ELP2: variants seen among roughly 807,000 people sequenced by gnomAD.
The protein encoded by ELP2 is elongator complex protein 2.
In ELP2, 90 loss-of-function variants were observed where a neutral mutation model predicts 119.2. The ratio of observed to expected loss-of-function variants is 0.75; its 90% CI spans 0.64 to 0.90. The LOEUF is 0.90. ELP2 is among the 40% of genes least tolerant of loss of function. ELP2 has a pLI of 0.00. For synonymous variants in ELP2, 339 were observed against 331.0 expected (o/e 1.02, Z -0.26); for missense variants, 921 against 967.8 (o/e 0.95, Z 0.64).
rs138926367 is a variant in ELP2 at position 36,167,908 on chromosome 18, C to T, written c.2076+686C>T. On this transcript the variant is annotated intron_variant, in intron 19 of 21. Transcript: ENST00000358232. ...GCCAGGCTGGTCCCAAACTCCTGGG[C>T]GCAAGCAGTCCTCCCACTTTGGCCT... is the stretch of plus-strand genomic sequence containing the variant. 1.5e-3 allele frequency among the ~76,000 whole-genome samples: 231 copies of T among 152,200 alleles called. 1 individual carries two copies. The highest frequency in any genetic ancestry group is 0.014 in the South Asian group (68 of 4,818).
intron 11 of ELP2, among the ~76,000 whole-genome samples, chr18:36,147,938 C>T (rs894040302): frequency 2.0e-5 from 3 of 151,852 alleles, no homozygotes; most frequent in Non-Finnish European, 4.4e-5. Context: ...GCCAAGCTCC[C>T]ATGCCCTCCC....
At chr18:36,162,843 A>G (rs368611057) in intron 17 of ELP2, among the ~76,000 whole-genome samples, 10 of 152,220 alleles carry the variant, frequency 6.6e-5, no homozygotes, top group African/African-American at 2.2e-4. Context: ...ATCCATATGA[A>G]AATATGGTGA....
chr18:36,159,344 C>T (rs951193696), intron 14 of ELP2, among the ~76,000 whole-genome samples: 2 of 152,262 alleles, frequency 1.3e-5, no homozygotes, highest in African/African-American at 2.4e-5. Flanking sequence ...AACTCCTGAC[C>T]TCAGGTGATC....
In ELP2 at chr18:36,150,605, G is replaced by A. The variant is rs533097648; in HGVS notation, c.1125+4224G>A. ...CAGAAGCTTTAGCCATAAGCTCGAGGAGCTGTTTCACAGAGGGTGATGAAG... is the reference window on the plus strand; with the variant it reads ...CAGAAGCTTTAGCCATAAGCTCGAGAAGCTGTTTCACAGAGGGTGATGAAG... On this transcript the variant is annotated intron_variant, in intron 11 of 21. Coordinates refer to ENST00000358232, the MANE Select transcript of ELP2 (RefSeq NM_018255.4). 8.5e-5 allele frequency among the ~76,000 whole-genome samples: 13 copies of A among 152,326 alleles called. No individual in the cohort carries two copies. In the South Asian group the frequency reaches 2.7e-3, roughly 32 times the overall value.
In ELP2 at chr18:36,175,849, A is replaced by G. The variant is rs962931472; in HGVS notation, c.*1208A>G. ...GACAATGCAGTGACAGCTGTATATA[A>G]TAAATGTGTTGAAAGGAGGAAGGTG... On this transcript the variant is annotated 3_prime_UTR_variant, in exon 22 of 22. Coordinates refer to ENST00000358232, the MANE Select transcript of ELP2 (RefSeq NM_018255.4). The G allele has an allele frequency of 6.6e-6, 1 of 152,126 alleles. No homozygotes were observed. The highest frequency in any genetic ancestry group is 1.5e-5 in the Non-Finnish European group (1 of 68,024). 9.4% of individuals were successfully genotyped at this position (152,126 alleles called of 1,614,324 possible). A position where few individuals can be genotyped will look rare whatever the true frequency, so the allele number is the denominator to read the frequency against.
chr18:36,154,793 T>C (rs1170841603), intron 11 of ELP2, 57 bp from the exon 12 acceptor site: 3 of 1,605,754 alleles, frequency 1.9e-6, no homozygotes, highest in South Asian at 2.2e-5. Flanking sequence ...GTGAGTGCTT[T>C]ACTTTGGTGG....
rs2091267023 is a variant in ELP2, at chr18:36,178,200, C to T, written c.*3559C>T. 1 of 152,224 alleles carries T rather than the reference C, an allele frequency of 6.6e-6. No homozygotes were observed. The highest frequency in any genetic ancestry group is 1.5e-5 in the Non-Finnish European group (1 of 68,102). The allele number at this position is 152,224 out of a possible 1,614,324, so 9.4% of individuals were successfully genotyped here. A position where few individuals can be genotyped will look rare whatever the true frequency, so the allele number is the denominator to read the frequency against. On this transcript the variant is annotated 3_prime_UTR_variant, in exon 22 of 22. Coordinates refer to ENST00000358232, the MANE Select transcript of ELP2 (RefSeq NM_018255.4). ...AGCCCAGCTCTGGGTACAGTTGGGC[C>T]ACAGCAGAAGGAGGGCCAGGGTAGA...
intron 8 of ELP2, among the ~76,000 whole-genome samples, chr18:36,144,288 C>T (rs2090130488): frequency 6.6e-6 from 1 of 152,098 alleles, no homozygotes; most frequent in African/African-American, 2.4e-5. Context: ...TTTATTTCTG[C>T]ATTTATCCTT....
At position 36,179,137 on chromosome 18, in the gene ELP2, G is replaced by A. The variant is rs1384086974; in HGVS notation, c.*4496G>A. The A allele has an allele frequency of 6.6e-6, 1 of 152,130 alleles. No homozygotes were observed. The highest frequency in any genetic ancestry group is 1.5e-5 in the Non-Finnish European group (1 of 68,038). 9.4% of individuals were successfully genotyped at this position (152,130 alleles called of 1,614,324 possible). On this transcript the variant is annotated 3_prime_UTR_variant, in exon 22 of 22. Transcript: ENST00000358232. ...GGCTGCATGTGGTTGGTGGATAGAG[G>A]ACTCTGAGCCCCACTCTGGTGGACT...
rs139040517 is a variant in ELP2 at position 36,156,521 on chromosome 18, T to C, written c.1331T>C (p.Leu444Ser). The C allele has an allele frequency of 2.3e-4, 374 of 1,614,040 alleles. 1 individual carries two copies. Among genetic ancestry groups the C allele is most frequent in the Middle Eastern group, 2.3e-3 (14 of 6,084 alleles). ...ATACATGGGTATGACCTGAAATGTT[T>C]GGCAATGATTAATCGGTTTCAGTTT... ...PQIHGYDLKC[L>S]AMINRFQFVS... Residue 444 changes from leucine (L) to serine (S), a missense_variant, in exon 13 of 22, where the codon TTG (leucine) becomes TCG (serine). Transcript: ENST00000358232.
In ELP2 at chr18:36,156,650, G is replaced by T. The variant is rs776466543; in HGVS notation, c.1460G>T (p.Cys487Phe). Residue 487 changes from cysteine to phenylalanine, a missense_variant, in exon 13 of 22, where the codon TGT (cysteine) becomes TTT (phenylalanine). Transcript: ENST00000358232. Reference protein sequence around the residue: ...ITGQSLNHVLCNQDSDLPEGA... With the variant: ...ITGQSLNHVLFNQDSDLPEGA... ...GGACAATCACTGAATCATGTGCTCT[G>T]TAATGTGAGTATTTCTCTAAATATT... 3.1e-6 allele frequency: 5 copies of T among 1,613,474 alleles called. No homozygotes were observed. The Admixed American group carries it at 8.3e-5, about 27-fold the overall frequency.
chr18:36,132,705 G>C (rs2089678156), intron 1 of ELP2, among the ~76,000 whole-genome samples: 1 of 152,142 alleles, frequency 6.6e-6, no homozygotes, highest in African/African-American at 2.4e-5. Context: ...TAGTAGTTGT[G>C]GCCTTGTGAC....
intron 21 of ELP2, among the ~76,000 whole-genome samples, chr18:36,171,900 A>G (rs2091092834): frequency 6.6e-6 from 1 of 152,060 alleles, no homozygotes; most frequent in Admixed American, 6.5e-5. Context: ...TTGTATTTTT[A>G]GTAGAGACGG....
chr18:36,164,882 TTATG>T, intron 18 of ELP2: 1 of 574,224 alleles, frequency 1.7e-6, no homozygotes, highest in Non-Finnish European at 3.1e-6. Context: ...CTACTTGTGA[TTATG>T]TAGTCAAGAT....
At chr18:36,145,401 A>G (rs1004257387) in intron 9 of ELP2, 4 of 313,182 alleles carry the variant, frequency 1.3e-5, no homozygotes, top group Non-Finnish European at 2.5e-5. Flanking sequence ...GAAATACATT[A>G]TTTATGAGAA....
intron 21 of ELP2, among the ~76,000 whole-genome samples, chr18:36,173,918 G>T (rs564467010): frequency 6.6e-6 from 1 of 152,144 alleles, no homozygotes; most frequent in East Asian, 1.9e-4. Flanking sequence ...GAGGTAGGGG[G>T]TAGGGAGCAT....
At chr18:36,136,650 T>C (rs1170361972) in intron 3 of ELP2, 2 of 381,962 alleles carry the variant, frequency 5.2e-6, no homozygotes, top group Non-Finnish European at 9.5e-6. Context: ...TAAGTTTTTT[T>C]CTTCAACTAT....
intron 11 of ELP2, among the ~76,000 whole-genome samples, chr18:36,148,512 C>T (rs1479868402): frequency 6.6e-6 from 1 of 152,098 alleles, no homozygotes; most frequent in African/African-American, 2.4e-5. Context: ...CAGAGAAAAC[C>T]AGTGTACTTA....
rs538879316 is a variant in ELP2 at position 36,154,401 on chromosome 18, G to A, written c.1126-449G>A. On this transcript the variant is annotated intron_variant, in intron 11 of 21. Transcript: ENST00000358232. The stretch of plus-strand genomic sequence containing the variant: ...GTCCACATGCAGAACCCACTGACTC[G>A]TTTTACACAATATTTTTACATTTTA... Among the ~76,000 whole-genome samples the A allele has an allele frequency of 9.2e-5, 14 of 152,188 alleles. 1 individual carries two copies. The highest frequency in any genetic ancestry group is 8.3e-4 in the South Asian group (4 of 4,814).
Sources: gnomAD v4.1 joint callset for allele counts (sites outside exome capture counted in the v4.1 genomes callset) on GRCh38, gnomAD v4.1.1 for gene constraint, MANE v1.5 for transcripts, NCBI Gene and HGNC (gene_info 2026-07-23, HGNC 2026-07-21) for gene names.